Variants in ZNF677 observed in about 807,000 individuals in gnomAD.
ZNF677 encodes the protein hypothetical protein MGC48625.
In ZNF677, 5 loss-of-function variants were observed where a neutral mutation model predicts 8.1. That is an observed-to-expected ratio of 0.62 (90% CI 0.32 to 1.29). The LOEUF (loss-of-function observed/expected upper bound fraction) is 1.29, where lower values mean the gene tolerates loss of function less well. Ranked by LOEUF, ZNF677 falls within the 50% of genes most tolerant of loss-of-function variation. The pLI, the probability that ZNF677 is intolerant of heterozygous loss-of-function variation, is 0.05. For synonymous variants in ZNF677, 221 were observed against 225.6 expected (o/e 0.98, Z 0.18); for missense variants, 685 against 685.9 (o/e 1.00, Z 0.01).
chr19:53,241,300 T>G (rs560862625), intron 4 of ZNF677: 1 of 152,138 alleles, frequency 6.6e-6, no homozygotes, highest in South Asian at 2.1e-4. Context: ...TAACTGCTGA[T>G]TAAATACATA....
chr19:53,250,758 A>C (rs1170448396), intron 3 of ZNF677, among the ~76,000 whole-genome samples: 1 of 152,184 alleles, frequency 6.6e-6, no homozygotes, highest in East Asian at 1.9e-4. Flanking sequence ...AATCTGTCCA[A>C]CAAACTCCCA....
At chr19:53,247,105 T>G (rs947134935) in intron 3 of ZNF677, among the ~76,000 whole-genome samples, 2 of 152,204 alleles carry the variant, frequency 1.3e-5, no homozygotes, top group Non-Finnish European at 2.9e-5. Flanking sequence ...CCAGTTTCAC[T>G]CGATTGTGGT....
At position 53,236,980 on chromosome 19, in the gene ZNF677, A is replaced by G. The variant is rs767181798; in HGVS notation, c.1747T>C (p.Cys583Arg). ...YNETKIKYSS[C>R]T ...CAATGGAGCCCCTGATGCTAGGTAC[A>G]GCTTGAATACTTAATTTTTGTCTCA... The change falls in exon 5 of 5, where the codon TGT (cysteine) becomes CGT (arginine). Residue 583 changes from cysteine to arginine, a missense_variant. Physicochemically the swap from Cys to Arg is radical, Grantham distance 180 (BLOSUM62 -3). Coordinates refer to ENST00000598513, the MANE Select transcript of ZNF677 (RefSeq NM_182609.4). 6 of 1,552,424 alleles carry G rather than the reference A, an allele frequency of 3.9e-6. No homozygotes were observed. The African/African-American group carries it at 4.1e-5, about 11-fold the overall frequency.
chr19:53,253,525 C>T (rs1488277798), intron 1 of ZNF677, among the ~76,000 whole-genome samples: 3 of 152,096 alleles, frequency 2.0e-5, no homozygotes, highest in Non-Finnish European at 4.4e-5. Flanking sequence ...CCCGTCTCTG[C>T]TAAAAATACA....
intron 4 of ZNF677, chr19:53,241,309 T>G (rs2091046270): frequency 6.6e-6 from 1 of 152,228 alleles, no homozygotes; most frequent in African/African-American, 2.4e-5. Context: ...ATTAAATACA[T>G]ACAAGTTCAT....
At chr19:53,241,074 T>C (rs964548343) in intron 4 of ZNF677, 11 of 152,252 alleles carry the variant, frequency 7.2e-5, no homozygotes, top group Admixed American at 4.6e-4. Context: ...ACTAATACTA[T>C]CCTTTAACAA....
At position 53,236,935 on chromosome 19, in the gene ZNF677, T is replaced by C; in HGVS notation, c.*37A>G. Reference sequence around the variant, plus strand: ...AGCTAAAGGCTTTACCACATTTTCGTTTTATATGGTTTCTTTTCACAATGG... The same window carrying C: ...AGCTAAAGGCTTTACCACATTTTCGCTTTATATGGTTTCTTTTCACAATGG... On this transcript the variant is annotated 3_prime_UTR_variant, in exon 5 of 5. Transcript: ENST00000598513. 6.6e-7 allele frequency: 1 copy of C among 1,511,828 alleles called. No individual in the cohort carries two copies. The highest frequency in any genetic ancestry group is 8.8e-7 in the Non-Finnish European group (1 of 1,136,682). 93.7% of individuals were successfully genotyped at this position (1,511,828 alleles called of 1,614,324 possible).
At position 53,237,358 on chromosome 19, in the gene ZNF677, T is replaced by C. The variant is rs1387591133; in HGVS notation, c.1369A>G (p.Lys457Glu). 6.2e-6 allele frequency: 10 copies of C among 1,613,878 alleles called. No homozygotes were observed. In the East Asian group the frequency reaches 2.2e-4, roughly 36 times the overall value. ...VEHQRIHTGE[K>E]PYKCNKCDKA... ...TCACATTTATTACATTTGTAAGGTT[T>C]TTCTCCAGTGTGAATTCTCTGATGT... Residue 457 changes from lysine (K) to glutamate (E), a missense_variant, in exon 5 of 5, where the codon AAA (lysine) becomes GAA (glutamate). By Grantham distance (56) the Lys-to-Glu change is moderately conservative. Transcript: ENST00000598513.
intron 4 of ZNF677, chr19:53,240,036 G>A (rs1281923924): frequency 6.6e-6 from 1 of 152,200 alleles, no homozygotes; most frequent in African/African-American, 2.4e-5. Context: ...CACCTATAGT[G>A]TGACAGCACC....
intron 3 of ZNF677, among the ~76,000 whole-genome samples, chr19:53,250,882 GGA>G (rs2091223963): frequency 6.6e-6 from 1 of 152,138 alleles, no homozygotes; most frequent in South Asian, 2.1e-4. Context: ...CAAATGAACA[GGA>G]GAGTCTTCAT....
chr19:53,245,122 G>T (rs1360728019), intron 3 of ZNF677, among the ~76,000 whole-genome samples: 1 of 151,958 alleles, frequency 6.6e-6, no homozygotes. Flanking sequence ...AAGACTCAAG[G>T]TAAATTTACT....
rs1490117408 is a variant in ZNF677, at chr19:53,236,044, AAAAC to A, written c.*924_*927del. ...TCTCTACTAAAAATACAAAAACAAAAAAACAAAAAACTAGCCAGGCATGATGGCG... is the reference window on the plus strand; with the variant it reads ...TCTCTACTAAAAATACAAAAACAAAAAAAAAACTAGCCAGGCATGATGGCG... On this transcript the variant is annotated 3_prime_UTR_variant, in exon 5 of 5. Coordinates refer to ENST00000598513, the MANE Select transcript of ZNF677 (RefSeq NM_182609.4). 1.3e-5 allele frequency: 2 copies of A among 152,110 alleles called. No individual in the cohort carries two copies. The highest frequency in any genetic ancestry group is 2.9e-5 in the Non-Finnish European group (2 of 68,082). 9.4% of individuals were successfully genotyped at this position (152,110 alleles called of 1,614,324 possible).
At chr19:53,239,432 G>C (rs918255976) in intron 4 of ZNF677, 1 of 152,160 alleles carries the variant, frequency 6.6e-6, no homozygotes, top group African/African-American at 2.4e-5. Flanking sequence ...GAAGAATTAG[G>C]AGGGGAGTCT....
In ZNF677 at chr19:53,238,175, C is replaced by T; in HGVS notation, c.552G>A (p.Val184=). 1 of 1,613,436 alleles carries T rather than the reference C, an allele frequency of 6.2e-7. No individual in the cohort carries two copies. Among genetic ancestry groups the T allele is most frequent in the South Asian group, 1.1e-5 (1 of 90,898 alleles). ...NNIRYAGNKY[V]KCFENKIGLS... ...ATCCAATTTTATTTTCAAAACACTT[C>T]ACGTATTTGTTTCCGGCATACCTTA... Residue 184 remains valine, a synonymous_variant, in exon 5 of 5, where the codon GTG becomes GTA. Transcript: ENST00000598513.
Position 53,237,831 on chromosome 19 carries a change from G to A in ZNF677, c.896C>T (p.Ala299Val). 1 of 1,613,284 alleles carries A rather than the reference G, an allele frequency of 6.2e-7. No individual in the cohort carries two copies. Among genetic ancestry groups the A allele is most frequent in the Non-Finnish European group, 8.5e-7 (1 of 1,179,600 alleles). ...RPYKCNECGK[A>V]FNQCSNLTRH... The stretch of plus-strand genomic sequence containing the variant: ...AGTGAGGTTCGAACACTGGTTAAAG[G>A]CTTTGCCACACTCGTTACATTTGTA... Residue 299 changes from alanine (A) to valine (V), a missense_variant, in exon 5 of 5, where the codon GCC becomes GTC. By Grantham distance (64) the Ala-to-Val change is moderately conservative (BLOSUM62 0). Coordinates refer to ENST00000598513, the MANE Select transcript of ZNF677 (RefSeq NM_182609.4).
chr19:53,250,660 G>A (rs2091220021), intron 3 of ZNF677, among the ~76,000 whole-genome samples: 1 of 152,180 alleles, frequency 6.6e-6, no homozygotes, highest in Admixed American at 6.5e-5. Context: ...ACACACACTG[G>A]AGCCTATCAG....
chr19:53,247,972 G>GT (rs1441977677), intron 3 of ZNF677, among the ~76,000 whole-genome samples: 1 of 152,124 alleles, frequency 6.6e-6, no homozygotes, highest in Non-Finnish European at 1.5e-5. Context: ...TATATTTAAA[G>GT]TAACTACTGA....
At chr19:53,244,861 T>G (rs1025424852) in intron 3 of ZNF677, among the ~76,000 whole-genome samples, 3 of 152,126 alleles carry the variant, frequency 2.0e-5, no homozygotes, top group Non-Finnish European at 2.9e-5. Context: ...ATTACAAAGG[T>G]ATGGTAATCA....
chr19:53,242,206 A>T (rs955886626), intron 4 of ZNF677: 4 of 397,772 alleles, frequency 1.0e-5, no homozygotes, highest in Non-Finnish European at 1.8e-5. Flanking sequence ...TGCTGGGATT[A>T]TAGGCGTGAG....
Sources: gnomAD v4.1 joint callset for allele counts (sites outside exome capture counted in the v4.1 genomes callset) on GRCh38, gnomAD v4.1.1 for gene constraint, MANE v1.5 for transcripts, NCBI Gene and HGNC (gene_info 2026-07-23, HGNC 2026-07-21) for gene names.